KCNJ3: variants seen among roughly 807,000 people sequenced by gnomAD.
KCNJ3 encodes potassium inwardly rectifying channel subfamily J member 3.
Under a neutral mutation model 39.2 loss-of-function variants are expected in KCNJ3, and 4 were observed. The ratio of observed to expected loss-of-function variants is 0.10; its 90% CI spans 0.05 to 0.23. The LOEUF (loss-of-function observed/expected upper bound fraction) is 0.23. Ranked by LOEUF, KCNJ3 falls within the 10% of genes least tolerant of loss-of-function variation. The pLI, the probability that KCNJ3 is intolerant of heterozygous loss-of-function variation, is 1.00. For missense variants in KCNJ3, 276 were observed against 634.9 expected (o/e 0.43, Z 6.08); for synonymous variants, 230 against 237.4 (o/e 0.97, Z 0.29).
At chr2:154,738,339 A>G (rs1685583146) in intron 2 of KCNJ3, among the ~76,000 whole-genome samples, 1 of 152,090 alleles carries the variant, frequency 6.6e-6, no homozygotes, top group Non-Finnish European at 1.5e-5. Flanking sequence ...ACTGAATAAC[A>G]CTTATTGTTT....
At position 154,857,323 on chromosome 2, in the gene KCNJ3, T is replaced by C. The variant is rs1328876929; in HGVS notation, c.*2010T>C. ...AAGAACTTAAAACTAAATAGAGCCA[T>C]AATTTACTTTGGAGAGTCATTTTAA... On this transcript the variant is annotated 3_prime_UTR_variant, in exon 3 of 3. Transcript: ENST00000295101. 6.6e-6 allele frequency: 1 copy of C among 152,184 alleles called. No homozygotes were observed. The highest frequency in any genetic ancestry group is 1.5e-5 in the Non-Finnish European group (1 of 68,026). The allele number at this position is 152,184 out of a possible 1,614,324, so 9.4% of individuals were successfully genotyped here. A position where few individuals can be genotyped will look rare whatever the true frequency, so the allele number is the denominator to read the frequency against.
chr2:154,824,234 C>A (rs1021977860), intron 2 of KCNJ3, among the ~76,000 whole-genome samples: 2 of 152,064 alleles, frequency 1.3e-5, no homozygotes, highest in Admixed American at 6.6e-5. Context: ...ACTTGGTGGG[C>A]TGAGGCGGGG....
intron 2 of KCNJ3, among the ~76,000 whole-genome samples, chr2:154,726,830 CACACA>C (rs1558857551): frequency 0.011 from 1,638 of 143,924 alleles, 38 homozygotes; most frequent in Admixed American, 0.061. Context: ...CACACACACA[CACACA>C]TACACCATGG....
chr2:154,827,750 G>C (rs1574477202), intron 2 of KCNJ3, among the ~76,000 whole-genome samples: 1 of 152,076 alleles, frequency 6.6e-6, no homozygotes. Context: ...TTTTTAACCA[G>C]GCTTTTACTA....
At chr2:154,704,255 A>G (rs1684959109) in intron 1 of KCNJ3, among the ~76,000 whole-genome samples, 1 of 152,142 alleles carries the variant, frequency 6.6e-6, no homozygotes, top group East Asian at 1.9e-4. Flanking sequence ...AAGAGCCATA[A>G]ATAAACAGCA....
At chr2:154,843,627 T>C (rs35111234) in intron 2 of KCNJ3, among the ~76,000 whole-genome samples, 31,320 of 152,106 alleles carry the variant, frequency 0.21, 4,286 homozygotes, top group Non-Finnish European at 0.3. Flanking sequence ...TTGGAGGCTT[T>C]GATCATTTCT....
intron 2 of KCNJ3, among the ~76,000 whole-genome samples, chr2:154,735,227 C>T (rs1685508759): frequency 6.6e-6 from 1 of 151,774 alleles, no homozygotes; most frequent in South Asian, 2.1e-4. Context: ...GCTGGGACTA[C>T]AGGGGCCCGC....
intron 2 of KCNJ3, among the ~76,000 whole-genome samples, chr2:154,833,017 C>T (rs1213889267): frequency 6.6e-5 from 10 of 152,126 alleles, no homozygotes; most frequent in Non-Finnish European, 1.3e-4. Context: ...TCTCATTCCA[C>T]CCTTAAAGGC....
At chr2:154,727,504 A>G (rs937229171) in intron 2 of KCNJ3, among the ~76,000 whole-genome samples, 4 of 150,112 alleles carry the variant, frequency 2.7e-5, no homozygotes, top group Non-Finnish European at 4.4e-5. Context: ...AGGCAGCAGA[A>G]TCACTTGAAC....
chr2:154,841,297 G>A (rs1687571400), intron 2 of KCNJ3, among the ~76,000 whole-genome samples: 1 of 152,090 alleles, frequency 6.6e-6, no homozygotes, highest in Non-Finnish European at 1.5e-5. Flanking sequence ...TGATTGTGGT[G>A]GATAAGCTTT....
At chr2:154,707,490 C>T (rs989725910) in intron 1 of KCNJ3, among the ~76,000 whole-genome samples, 5 of 151,956 alleles carry the variant, frequency 3.3e-5, no homozygotes, top group Non-Finnish European at 5.9e-5. Flanking sequence ...TTAGGGAATA[C>T]AAAATTTAAT....
At chr2:154,732,049 T>A (rs566042618) in intron 2 of KCNJ3, among the ~76,000 whole-genome samples, 4 of 152,200 alleles carry the variant, frequency 2.6e-5, no homozygotes, top group South Asian at 2.1e-4. Context: ...TGAGGAAATG[T>A]CAGAATAACT....
chr2:154,706,920 T>G (rs922952781), intron 1 of KCNJ3, among the ~76,000 whole-genome samples: 1 of 152,024 alleles, frequency 6.6e-6, no homozygotes, highest in African/African-American at 2.4e-5. Context: ...TCTATGGAAT[T>G]TCAGTGATTA....
intron 2 of KCNJ3, among the ~76,000 whole-genome samples, chr2:154,754,726 T>G (rs1304281231): frequency 2.0e-5 from 3 of 152,202 alleles, no homozygotes; most frequent in Non-Finnish European, 4.4e-5. Context: ...TTATATATAA[T>G]GTCCTTGTGA....
chr2:154,783,220 C>T, intron 2 of KCNJ3, among the ~76,000 whole-genome samples: 1 of 152,084 alleles, frequency 6.6e-6, no homozygotes, highest in African/African-American at 2.4e-5. Flanking sequence ...AAGAAATATA[C>T]AGAGGAGACA....
intron 2 of KCNJ3, among the ~76,000 whole-genome samples, chr2:154,841,788 T>G (rs56969614): frequency 0.021 from 3,164 of 152,266 alleles, 115 homozygotes; most frequent in African/African-American, 0.071. Context: ...GATATCCCCT[T>G]TATCATTTTT....
intron 2 of KCNJ3, among the ~76,000 whole-genome samples, chr2:154,818,008 T>C (rs924513095): frequency 5.9e-5 from 9 of 152,178 alleles, no homozygotes; most frequent in African/African-American, 2.2e-4. Context: ...TTTATACTAT[T>C]ATCTCTCTCT....
chr2:154,774,789 A>G (rs1435785685), intron 2 of KCNJ3, among the ~76,000 whole-genome samples: 1 of 152,248 alleles, frequency 6.6e-6, no homozygotes, highest in Non-Finnish European at 1.5e-5. Flanking sequence ...AGCTTTTATA[A>G]TGACAATAAC....
At chr2:154,801,537 CTTTCTTTCTTTCTTTTCT>C (rs1187082988) in intron 2 of KCNJ3, among the ~76,000 whole-genome samples, 2 of 145,422 alleles carry the variant, frequency 1.4e-5, no homozygotes, top group African/African-American at 2.5e-5. Context: ...TTCTTTCCTT[CTTTCTTTCTTTCTTTTCT>C]TTTCTTTCTT....
Sources: gnomAD v4.1 joint callset for allele counts (sites outside exome capture counted in the v4.1 genomes callset) on GRCh38, gnomAD v4.1.1 for gene constraint, MANE v1.5 for transcripts, NCBI Gene and HGNC (gene_info 2026-07-23, HGNC 2026-07-21) for gene names.